The following CAMKMT variants were observed in gnomAD, a reference collection of about 807,000 sequenced individuals.
CAMKMT encodes calmodulin-lysine N-methyltransferase, also known as CaM KMT.
A neutral mutation model predicts 48.0 loss-of-function variants in CAMKMT; 53 were observed. The ratio of observed to expected loss-of-function variants is 1.10; its 90% CI spans 0.89 to 1.39. The LOEUF (loss-of-function observed/expected upper bound fraction) is 1.39, where lower values mean the gene tolerates loss of function less well. CAMKMT is among the 40% of genes most tolerant of loss of function. The probability of loss-of-function intolerance (pLI) is 0.00; values close to 1 mark genes in which losing one functional copy is unlikely to be tolerated. For missense variants in CAMKMT, 428 were observed against 402.7 expected (o/e 1.06, Z -0.54); for synonymous variants, 165 against 152.3 (o/e 1.08, Z -0.61).
In CAMKMT at chr2:44,489,766, A is replaced by G. The variant is rs763330417; in HGVS notation, c.376+99461A>G. On this transcript the variant is annotated intron_variant, in intron 3 of 10. Transcript: ENST00000378494. The stretch of plus-strand genomic sequence containing the variant: ...GAAAAATTGGATTATTGTAAAAAGA[A>G]CAAGAAAAACCTAATTTAAAATGAA... Among the ~76,000 whole-genome samples, 35 of 152,328 alleles carry G rather than the reference A, an allele frequency of 2.3e-4. No homozygotes were observed. The South Asian group carries it at 2.9e-3, about 13-fold the overall frequency.
At chr2:44,621,244 G>A (rs1017575378) in intron 3 of CAMKMT, among the ~76,000 whole-genome samples, 2 of 125,700 alleles carry the variant, frequency 1.6e-5, no homozygotes, top group Non-Finnish European at 3.1e-5. Flanking sequence ...TCCAGCCTGG[G>A]CGACAGAGCG....
intron 3 of CAMKMT, among the ~76,000 whole-genome samples, chr2:44,546,131 A>T (rs529908254): frequency 1.1e-4 from 16 of 147,622 alleles, no homozygotes; most frequent in South Asian, 2.1e-4. Context: ...ATTCTTTTGG[A>T]TCTGGCTATC....
chr2:44,392,822 A>T (rs1315743584), intron 3 of CAMKMT, among the ~76,000 whole-genome samples: 1 of 152,086 alleles, frequency 6.6e-6, no homozygotes, highest in Non-Finnish European at 1.5e-5. Context: ...TGAAAGTTCC[A>T]TACAAGAGTA....
intron 2 of CAMKMT, among the ~76,000 whole-genome samples, chr2:44,378,378 C>T (rs1558553511): frequency 6.6e-6 from 1 of 152,180 alleles, no homozygotes; most frequent in Non-Finnish European, 1.5e-5. Context: ...TTTCCTAAAA[C>T]CCATGAGACT....
chr2:44,690,853 G>A (rs781664468), intron 3 of CAMKMT, among the ~76,000 whole-genome samples: 6 of 152,020 alleles, frequency 3.9e-5, no homozygotes, highest in Non-Finnish European at 7.4e-5. Flanking sequence ...GTGTGTGCCT[G>A]TAATCCCAGC....
chr2:44,663,599 C>A (rs1001456704), intron 3 of CAMKMT, among the ~76,000 whole-genome samples: 4 of 152,184 alleles, frequency 2.6e-5, no homozygotes, highest in Non-Finnish European at 4.4e-5. Context: ...CTCCTTCCTG[C>A]AGATGTGGCA....
chr2:44,689,989 A>T (rs888986468), intron 3 of CAMKMT, among the ~76,000 whole-genome samples: 1 of 152,228 alleles, frequency 6.6e-6, no homozygotes, highest in African/African-American at 2.4e-5. Flanking sequence ...AAGCATTCAC[A>T]TCTAGTTTAT....
rs141082048 is a variant in CAMKMT, at chr2:44,710,618, C to CTT, written c.556+3165_556+3166dup. Among the ~76,000 whole-genome samples the CTT allele has an allele frequency of 1.0e-4, 15 of 149,048 alleles. No homozygotes were observed. In the South Asian group the frequency reaches 1.9e-3, roughly 19 times the overall value. ...AAATAGTGTGAAACATGTTCCTTTTCTTTTTTTTTTGGCAATGCCCCTTTA... is the reference window on the plus strand; with the variant it reads ...AAATAGTGTGAAACATGTTCCTTTTCTTTTTTTTTTTTGGCAATGCCCCTTTA... On this transcript the variant is annotated intron_variant, in intron 6 of 10. Coordinates refer to ENST00000378494, the MANE Select transcript of CAMKMT (RefSeq NM_024766.5).
chr2:44,722,176 C>CTTTTTT (rs11323950), intron 7 of CAMKMT, among the ~76,000 whole-genome samples: 1,786 of 113,324 alleles, frequency 0.016, 1 homozygote, highest in Middle Eastern at 0.022. Context: ...TTTCTTTTTT[C>CTTTTTT]TTTTTTTTTT....
chr2:44,677,641 G>A (rs376012770), intron 3 of CAMKMT, among the ~76,000 whole-genome samples: 35 of 152,082 alleles, frequency 2.3e-4, no homozygotes, highest in African/African-American at 8.4e-4. Flanking sequence ...CAGGGAGGTG[G>A]ATGTTGCAGT....
chr2:44,490,153 G>A (rs1282716541), intron 3 of CAMKMT, among the ~76,000 whole-genome samples: 1 of 151,958 alleles, frequency 6.6e-6, no homozygotes, highest in Admixed American at 6.6e-5. Flanking sequence ...GAAATAAAAG[G>A]AAAAATATAT....
intron 3 of CAMKMT, among the ~76,000 whole-genome samples, chr2:44,577,606 G>A (rs1669296357): frequency 6.6e-6 from 1 of 151,374 alleles, no homozygotes; most frequent in Non-Finnish European, 1.5e-5. Context: ...GAGACAGAGT[G>A]AGACCCTGTC....
chr2:44,419,610 C>G (rs747214289), intron 3 of CAMKMT, among the ~76,000 whole-genome samples: 1 of 152,206 alleles, frequency 6.6e-6, no homozygotes, highest in African/African-American at 2.4e-5. Context: ...AAGACAGTCT[C>G]GCTCTGTCAC....
At chr2:44,527,388 A>T (rs1443673549) in intron 3 of CAMKMT, among the ~76,000 whole-genome samples, 3 of 142,180 alleles carry the variant, frequency 2.1e-5, no homozygotes, top group Non-Finnish European at 4.5e-5. Flanking sequence ...TATAATATAT[A>T]ATATATATGT....
chr2:44,440,814 C>G (rs1018663544), intron 3 of CAMKMT, among the ~76,000 whole-genome samples: 12 of 151,852 alleles, frequency 7.9e-5, no homozygotes, highest in African/African-American at 2.7e-4. Flanking sequence ...ATTGTAGAAC[C>G]TTTTATCCCT....
intron 3 of CAMKMT, among the ~76,000 whole-genome samples, chr2:44,526,736 CAAATGCT>C (rs1347523793): frequency 1.3e-5 from 2 of 152,156 alleles, no homozygotes; most frequent in Non-Finnish European, 2.9e-5. Flanking sequence ...TCTACTGATT[CAAATGCT>C]AACCTTTTCT....
chr2:44,656,710 C>CT (rs924923776), intron 3 of CAMKMT, among the ~76,000 whole-genome samples: 1 of 151,810 alleles, frequency 6.6e-6, no homozygotes, highest in Admixed American at 6.6e-5. Flanking sequence ...CCCACCCCAC[C>CT]TTTTTTTTAT....
At chr2:44,389,244 C>G (rs185302200) in intron 2 of CAMKMT, among the ~76,000 whole-genome samples, 14 of 152,142 alleles carry the variant, frequency 9.2e-5, no homozygotes, top group Admixed American at 5.9e-4. Context: ...AGAAACCAGT[C>G]ACATTGCATT....
intron 3 of CAMKMT, among the ~76,000 whole-genome samples, chr2:44,664,073 T>C (rs1016269231): frequency 1.3e-5 from 2 of 152,216 alleles, no homozygotes; most frequent in Admixed American, 6.5e-5. Flanking sequence ...AATTCTTCAG[T>C]CTGTAAGTAG....
Sources: gnomAD v4.1 joint callset for allele counts (sites outside exome capture counted in the v4.1 genomes callset) on GRCh38, gnomAD v4.1.1 for gene constraint, MANE v1.5 for transcripts, NCBI Gene and HGNC (gene_info 2026-07-23, HGNC 2026-07-21) for gene names.